CNTN3: variants seen among roughly 807,000 people sequenced by gnomAD.
The protein encoded by CNTN3 is contactin 3, also known as contactin-3.
Under a neutral mutation model 119.1 loss-of-function variants are expected in CNTN3, and 60 were observed. The observed-to-expected ratio is 0.50, with a 90% CI of 0.41 to 0.62. The LOEUF is 0.62. CNTN3 is among the 20% of genes least tolerant of loss of function. CNTN3 has a pLI of 0.00. For synonymous variants in CNTN3, 450 were observed against 438.7 expected (o/e 1.03, Z -0.32); for missense variants, 1,101 against 1,242.4 (o/e 0.89, Z 1.71).
chr3:74,364,318 C>T lies in CNTN3; in HGVS notation c.1213+149G>A, dbSNP rs114764106. ...CCTTAGAAACTGTTAAAAGGTATGC[C>T]TTGATTAGAAACTGAATGATCGTGT... On this transcript the variant is annotated intron_variant, in intron 10 of 22. Transcript: ENST00000263665. 4.5e-3 allele frequency: 3,213 copies of T among 718,782 alleles called. 50 individuals carry two copies. Among genetic ancestry groups the T allele is most frequent in the African/African-American group, 0.039 (2,197 of 55,954 alleles). The allele number at this position is 718,782 out of a possible 1,614,324, so 44.5% of individuals were successfully genotyped here.
chr3:74,422,962 A>G (rs1452856117), intron 5 of CNTN3, among the ~76,000 whole-genome samples: 1 of 152,106 alleles, frequency 6.6e-6, no homozygotes, highest in Non-Finnish European at 1.5e-5. Flanking sequence ...TTCTAAAAGA[A>G]TCAGGAGCCA....
At chr3:74,494,669 A>T (rs1429815108) in intron 3 of CNTN3, among the ~76,000 whole-genome samples, 1 of 152,096 alleles carries the variant, frequency 6.6e-6, no homozygotes, top group Non-Finnish European at 1.5e-5. Flanking sequence ...TTGACTCCTG[A>T]AATATAATAC....
At chr3:74,492,670 A>G (rs1193936883) in intron 3 of CNTN3, among the ~76,000 whole-genome samples, 1 of 152,208 alleles carries the variant, frequency 6.6e-6, no homozygotes, top group Non-Finnish European at 1.5e-5. Flanking sequence ...ACTTTCAGGA[A>G]ATAAACTAAA....
chr3:74,608,615 A>T (rs1013513265), intron 1 of CNTN3, among the ~76,000 whole-genome samples: 1 of 152,156 alleles, frequency 6.6e-6, no homozygotes, highest in Non-Finnish European at 1.5e-5. Flanking sequence ...TCAACTAATG[A>T]TTTGTCACTC....
At chr3:74,364,917 A>T (rs1332858862) in intron 9 of CNTN3, among the ~76,000 whole-genome samples, 1 of 152,120 alleles carries the variant, frequency 6.6e-6, no homozygotes. Context: ...TGACTTTAAA[A>T]CATGTTTTAT....
intron 1 of CNTN3, among the ~76,000 whole-genome samples, chr3:74,534,846 C>A (rs1703743192): frequency 6.6e-6 from 1 of 151,664 alleles, no homozygotes; most frequent in Non-Finnish European, 1.5e-5. Context: ...ATGGCAAAAA[C>A]AACAGTTACT....
chr3:74,588,421 G>A (rs965844650), intron 1 of CNTN3, among the ~76,000 whole-genome samples: 11 of 151,988 alleles, frequency 7.2e-5, no homozygotes, highest in Non-Finnish European at 1.5e-4. Flanking sequence ...CCTCTTCAAG[G>A]AGAACTACAA....
At position 74,299,882 on chromosome 3, in the gene CNTN3, C is replaced by T. The variant is rs1322539485; in HGVS notation, c.2152G>A (p.Val718Met). The part of the protein sequence containing the change: ...NGGGGSRSEL[V>M]ITWDPVPEEL... The stretch of plus-strand genomic sequence containing the variant: ...CAAACACTTACATCCCAGGTTATCA[C>T]AAGTTCAGACCGGCTTCCGCCTCCT... Residue 718 changes from valine to methionine, a missense_variant, in exon 17 of 23, where the codon GTG (valine) becomes ATG (methionine). Val to Met is a conservative substitution (Grantham distance 21). Coordinates refer to ENST00000263665, the MANE Select transcript of CNTN3 (RefSeq NM_020872.3). 1.2e-6 allele frequency: 2 copies of T among 1,606,804 alleles called. No individual in the cohort carries two copies. The highest frequency in any genetic ancestry group is 1.3e-5 in the African/African-American group (1 of 74,792).
intron 3 of CNTN3, among the ~76,000 whole-genome samples, chr3:74,493,924 C>T (rs1395955567): frequency 6.6e-6 from 1 of 152,068 alleles, no homozygotes; most frequent in Non-Finnish European, 1.5e-5. Context: ...ATTTCTCACT[C>T]ATCGATAAAT....
chr3:74,371,147 G>T, intron 6 of CNTN3, 49 bp downstream of exon 6: 1 of 1,360,238 alleles, frequency 7.4e-7, no homozygotes, highest in Non-Finnish European at 1.0e-6. Flanking sequence ...TTTGTTTGCA[G>T]CCTCAGCACC....
intron 4 of CNTN3, among the ~76,000 whole-genome samples, chr3:74,426,472 A>G (rs958000553): frequency 3.9e-5 from 6 of 152,194 alleles, no homozygotes; most frequent in Non-Finnish European, 1.5e-5. Context: ...CAGAACCTGT[A>G]GACACTTAGG....
intron 2 of CNTN3, among the ~76,000 whole-genome samples, chr3:74,511,007 C>A (rs1487382304): frequency 6.6e-6 from 1 of 151,952 alleles, no homozygotes; most frequent in Admixed American, 6.6e-5. Flanking sequence ...TATGACCTAT[C>A]ATAGATACTG....
chr3:74,389,844 G>T (rs1255697243), intron 5 of CNTN3, among the ~76,000 whole-genome samples: 2 of 151,964 alleles, frequency 1.3e-5, no homozygotes. Flanking sequence ...ATATGCCAAA[G>T]AAAAAAGAGA....
At chr3:74,362,693 T>C (rs918872506) in intron 10 of CNTN3, among the ~76,000 whole-genome samples, 1 of 151,930 alleles carries the variant, frequency 6.6e-6, no homozygotes, top group Non-Finnish European at 1.5e-5. Flanking sequence ...TATTGTATCA[T>C]TGGAATGAAA....
At chr3:74,355,119 C>T (rs1703906649) in intron 11 of CNTN3, among the ~76,000 whole-genome samples, 3 of 152,038 alleles carry the variant, frequency 2.0e-5, no homozygotes, top group Admixed American at 2.0e-4. Flanking sequence ...CTCAACCAAT[C>T]CCAAACTGAA....
rs534422619 is a variant in CNTN3 at position 74,318,153 on chromosome 3, T to C, written c.1669-15346A>G. Among the ~76,000 whole-genome samples, 367 of 152,354 alleles carry C rather than the reference T, an allele frequency of 2.4e-3. 4 individuals are homozygous for C. The highest frequency in any genetic ancestry group is 8.4e-3 in the African/African-American group (351 of 41,604). On this transcript the variant is annotated intron_variant, in intron 13 of 22. Coordinates refer to ENST00000263665, the MANE Select transcript of CNTN3 (RefSeq NM_020872.3). Reference sequence around the variant, plus strand: ...ATCAGCTCCTGAGGTTTCTGCATTCTTCACGTAGTTCTCAAGCCTTGGCTT... The same window carrying C: ...ATCAGCTCCTGAGGTTTCTGCATTCCTCACGTAGTTCTCAAGCCTTGGCTT...
At chr3:74,594,291 ACTTT>A (rs371134765) in intron 1 of CNTN3, among the ~76,000 whole-genome samples, 2,351 of 86,298 alleles carry the variant, frequency 0.027, 12 homozygotes, top group Middle Eastern at 0.078. Context: ...TTTTTTTTTT[ACTTT>A]TTTTTTAATT....
chr3:74,552,064 G>A (rs1215042754), intron 1 of CNTN3, among the ~76,000 whole-genome samples: 3 of 151,898 alleles, frequency 2.0e-5, no homozygotes, highest in Admixed American at 6.6e-5. Flanking sequence ...GCGCCTAGCC[G>A]GATCTGCTTC....
intron 1 of CNTN3, among the ~76,000 whole-genome samples, chr3:74,542,620 G>C (rs1195599710): frequency 6.6e-6 from 1 of 152,134 alleles, no homozygotes; most frequent in East Asian, 1.9e-4. Flanking sequence ...TAGATAATAT[G>C]ATGAATGACA....
Sources: allele counts gnomAD v4.1 joint callset (sites outside exome capture counted in the v4.1 genomes callset), GRCh38; gene constraint gnomAD v4.1.1; transcripts MANE v1.5; gene names NCBI Gene and HGNC (gene_info 2026-07-23, HGNC 2026-07-21).